Variants in SOBP observed in about 807,000 individuals in gnomAD.
SOBP encodes the protein sine oculis-binding protein homolog.
A neutral mutation model predicts 53.6 loss-of-function variants in SOBP; 4 were observed. That is an observed-to-expected ratio of 0.07 (90% CI 0.04 to 0.17). The LOEUF (loss-of-function observed/expected upper bound fraction) is 0.17. Ranked by LOEUF, SOBP falls within the 10% of genes least tolerant of loss-of-function variation. The probability of loss-of-function intolerance (pLI) is 1.00; values close to 1 mark genes in which losing one functional copy is unlikely to be tolerated. For synonymous variants in SOBP, 584 were observed against 522.6 expected (o/e 1.12, Z -1.60); for missense variants, 1,088 against 1,204.7 (o/e 0.90, Z 1.43).
intron 6 of SOBP, among the ~76,000 whole-genome samples, chr6:107,656,362 AAAGAAAG>A (rs1772063611): frequency 3.2e-5 from 1 of 30,902 alleles, no homozygotes; most frequent in African/African-American, 7.0e-5. Flanking sequence ...AGAAAGAAAG[AAAGAAAG>A]TAAGTCAAAT....
At position 107,635,535 on chromosome 6, in the gene SOBP, A is replaced by G. The variant is rs1771005654; in HGVS notation, c.*3+66A>G. On this transcript the variant is annotated intron_variant, in intron 6 of 6. Transcript: ENST00000317357. The surrounding 1 kb of genome is among the most constrained non-coding windows in gnomAD (Gnocchi z 4.5). Reference sequence around the variant, plus strand: ...CACCTCTCCTTACTTCTGACAAGGCAGAGGGGAGAGTTGTAATTATAGTCA... The same window carrying G: ...CACCTCTCCTTACTTCTGACAAGGCGGAGGGGAGAGTTGTAATTATAGTCA... 1 of 1,591,680 alleles carries G rather than the reference A, an allele frequency of 6.3e-7. No homozygotes were observed.
In SOBP at chr6:107,574,371, C is replaced by T. The variant is rs150151090; in HGVS notation, c.574-12709C>T. On this transcript the variant is annotated intron_variant, in intron 4 of 6. Transcript: ENST00000317357. ...TTTCTATTCTGTGATTAGGCAAGAA[C>T]CATAGGAAGAGGTTTATGAATCTAG... Among the ~76,000 whole-genome samples the T allele has an allele frequency of 2.2e-3, 329 of 152,194 alleles. 2 individuals carry two copies. The highest frequency in any genetic ancestry group is 7.8e-3 in the African/African-American group (324 of 41,524).
chr6:107,539,884 A>C (rs1416182346), intron 4 of SOBP, among the ~76,000 whole-genome samples: 2 of 152,250 alleles, frequency 1.3e-5, no homozygotes, highest in Non-Finnish European at 2.9e-5. Context: ...CATAAGCTGC[A>C]TTCAGCACAA....
chr6:107,626,652 T>C (rs1330022337), intron 5 of SOBP, among the ~76,000 whole-genome samples: 2 of 152,222 alleles, frequency 1.3e-5, no homozygotes, highest in Non-Finnish European at 2.9e-5. Flanking sequence ...GATTATGTGA[T>C]GGCAAATTTT....
At chr6:107,513,930 G>C (rs925494785) in intron 3 of SOBP, 1 of 152,524 alleles carries the variant, frequency 6.6e-6, no homozygotes, top group Admixed American at 6.6e-5. Flanking sequence ...AACTCTTTGT[G>C]GATGCTATTA....
intron 2 of SOBP, 36 bp from the exon 3 acceptor site, chr6:107,506,206 C>T: frequency 6.3e-7 from 1 of 1,590,000 alleles, no homozygotes; most frequent in Non-Finnish European, 8.6e-7. Flanking sequence ...CATTACATTC[C>T]TTGGTCACAT....
At chr6:107,555,807 T>C (rs1443135409) in intron 4 of SOBP, among the ~76,000 whole-genome samples, 3 of 152,242 alleles carry the variant, frequency 2.0e-5, no homozygotes, top group African/African-American at 7.2e-5. Flanking sequence ...TGGTTAGCAA[T>C]ACTGTTGTGT....
intron 1 of SOBP, among the ~76,000 whole-genome samples, chr6:107,502,080 G>C (rs1234441986): frequency 3.3e-5 from 5 of 152,090 alleles, no homozygotes; most frequent in African/African-American, 4.8e-5. Context: ...GCATCCTGTG[G>C]GTAGTTTGAA....
intron 5 of SOBP, among the ~76,000 whole-genome samples, chr6:107,617,766 CTCTT>C (rs1245693956): frequency 6.6e-6 from 1 of 150,810 alleles, no homozygotes. Flanking sequence ...CCCATGCTCT[CTCTT>C]AAAGTGCCTG....
At chr6:107,599,964 A>C (rs1182174055) in intron 5 of SOBP, among the ~76,000 whole-genome samples, 4 of 152,180 alleles carry the variant, frequency 2.6e-5, no homozygotes, top group Admixed American at 2.6e-4. Context: ...CCTTGATTAG[A>C]GCTCCTCTTT....
At chr6:107,641,241 T>C (rs1174537024) in intron 6 of SOBP, among the ~76,000 whole-genome samples, 1 of 152,268 alleles carries the variant, frequency 6.6e-6, no homozygotes, top group African/African-American at 2.4e-5. Context: ...GAATCAAAGT[T>C]GGAGCTACAT....
intron 6 of SOBP, among the ~76,000 whole-genome samples, chr6:107,637,647 C>T (rs934577899): frequency 2.0e-5 from 3 of 152,178 alleles, no homozygotes; most frequent in African/African-American, 7.2e-5. Context: ...TCACTTTAAA[C>T]ACATTCTAAT....
chr6:107,641,301 G>T (rs1396183502), intron 6 of SOBP, among the ~76,000 whole-genome samples: 1 of 152,232 alleles, frequency 6.6e-6, no homozygotes, highest in Non-Finnish European at 1.5e-5. Context: ...AATGCAAAAG[G>T]TTACAGACTT....
intron 1 of SOBP, among the ~76,000 whole-genome samples, chr6:107,500,287 G>A (rs1782803475): frequency 6.6e-6 from 1 of 151,634 alleles, no homozygotes; most frequent in Admixed American, 6.6e-5. Flanking sequence ...TACTTGGGAG[G>A]CTGAGGCACT....
chr6:107,584,849 GTGGAATGAA>G (rs992140667), intron 4 of SOBP, among the ~76,000 whole-genome samples: 1 of 151,752 alleles, frequency 6.6e-6, no homozygotes, highest in African/African-American at 2.4e-5. Context: ...TTACATGTAA[GTGGAATGAA>G]TGTATTTTTG....
chr6:107,491,287 G>A (rs1364817527), intron 1 of SOBP, among the ~76,000 whole-genome samples: 1 of 151,836 alleles, frequency 6.6e-6, no homozygotes, highest in Non-Finnish European at 1.5e-5. Context: ...GCCCGCCCCC[G>A]CCCGCACCTC....
chr6:107,552,879 C>T (rs1405544514), intron 4 of SOBP, among the ~76,000 whole-genome samples: 1 of 152,146 alleles, frequency 6.6e-6, no homozygotes, highest in African/African-American at 2.4e-5. Flanking sequence ...GCTATGATCA[C>T]ACCACTGTAC....
At chr6:107,537,957 A>G (rs1784049932) in intron 4 of SOBP, among the ~76,000 whole-genome samples, 1 of 152,192 alleles carries the variant, frequency 6.6e-6, no homozygotes, top group African/African-American at 2.4e-5. Context: ...GATGATATAG[A>G]CAGAAACAAC....
At chr6:107,547,874 G>C (rs1330417315) in intron 4 of SOBP, among the ~76,000 whole-genome samples, 1 of 152,150 alleles carries the variant, frequency 6.6e-6, no homozygotes, top group South Asian at 2.1e-4. Flanking sequence ...CAAGTTGATG[G>C]GTTTCTGGGT....
Sources: allele counts gnomAD v4.1 joint callset (sites outside exome capture counted in the v4.1 genomes callset), GRCh38; gene constraint gnomAD v4.1.1; non-coding constraint Gnocchi (gnomAD v3.1); transcripts MANE v1.5; gene names NCBI Gene and HGNC (gene_info 2026-07-23, HGNC 2026-07-21).